Variants in NKAIN2 observed in about 807,000 individuals in gnomAD.
NKAIN2 encodes the protein sodium/potassium-transporting ATPase subunit beta-1-interacting protein 2.
Under a neutral mutation model 32.6 loss-of-function variants are expected in NKAIN2, and 14 were observed. The ratio of observed to expected loss-of-function variants is 0.43; its 90% CI spans 0.28 to 0.67. NKAIN2 has a LOEUF of 0.67. Ranked by LOEUF, NKAIN2 falls within the 30% of genes least tolerant of loss-of-function variation. The probability of loss-of-function intolerance (pLI) is 0.17; values close to 1 mark genes in which losing one functional copy is unlikely to be tolerated. For missense variants in NKAIN2, 198 were observed against 258.3 expected, an observed-to-expected ratio of 0.77 and a Z score of 1.60; for synonymous variants, 80 against 87.2, an observed-to-expected ratio of 0.92 and a Z score of 0.46.
intron 5 of NKAIN2, among the ~76,000 whole-genome samples, chr6:124,817,469 T>C (rs1414082640): frequency 6.6e-6 from 1 of 152,148 alleles, no homozygotes; most frequent in East Asian, 1.9e-4. Flanking sequence ...GATCTCTCCA[T>C]GCGGGCTAGC....
At chr6:124,776,528 T>C (rs1299020555) in intron 4 of NKAIN2, among the ~76,000 whole-genome samples, 2 of 152,124 alleles carry the variant, frequency 1.3e-5, no homozygotes, top group East Asian at 1.9e-4. Context: ...TAATTCCAAA[T>C]AGCATGTGAT....
chr6:124,630,388 A>AG (rs1289010621), intron 3 of NKAIN2, among the ~76,000 whole-genome samples: 1 of 152,156 alleles, frequency 6.6e-6, no homozygotes, highest in African/African-American at 2.4e-5. Context: ...ATCGTATTAA[A>AG]GGTAAGGATT....
intron 3 of NKAIN2, among the ~76,000 whole-genome samples, chr6:124,603,770 G>A (rs1000960121): frequency 5.3e-5 from 8 of 151,854 alleles, no homozygotes; most frequent in East Asian, 1.9e-4. Flanking sequence ...AGACTGTCCC[G>A]GGAAAACCCA....
chr6:124,110,274 A>C (rs1266129954), intron 1 of NKAIN2, among the ~76,000 whole-genome samples: 1 of 152,062 alleles, frequency 6.6e-6, no homozygotes, highest in African/African-American at 2.4e-5. Context: ...GAAAGGACAA[A>C]AACCCTCTGA....
At chr6:123,811,072 G>C (rs556818503) in intron 1 of NKAIN2, among the ~76,000 whole-genome samples, 7 of 152,252 alleles carry the variant, frequency 4.6e-5, no homozygotes, top group African/African-American at 1.7e-4. Context: ...CCTAGAATAT[G>C]TGTCTTCACC....
chr6:124,700,166 G>C (rs1159267656), intron 4 of NKAIN2, among the ~76,000 whole-genome samples: 2 of 152,094 alleles, frequency 1.3e-5, no homozygotes, highest in Non-Finnish European at 2.9e-5. Flanking sequence ...GCTTAAGTGA[G>C]TGACTCTAAT....
chr6:124,565,116 T>C (rs1780859570), intron 3 of NKAIN2, among the ~76,000 whole-genome samples: 1 of 152,168 alleles, frequency 6.6e-6, no homozygotes, highest in South Asian at 2.1e-4. Context: ...AGGGGTGTTG[T>C]TGAACTCAGG....
intron 3 of NKAIN2, among the ~76,000 whole-genome samples, chr6:124,423,550 T>G (rs1774849071): frequency 6.6e-6 from 1 of 152,238 alleles, no homozygotes; most frequent in African/African-American, 2.4e-5. Flanking sequence ...TGTTGTGGTC[T>G]GAATGTGGAA....
intron 4 of NKAIN2, among the ~76,000 whole-genome samples, chr6:124,735,049 T>C (rs1469648446): frequency 6.6e-6 from 1 of 151,962 alleles, no homozygotes; most frequent in Admixed American, 6.6e-5. Flanking sequence ...TCACTGTTTT[T>C]TGATTTGTGA....
chr6:124,147,511 A>G (rs578081536), intron 1 of NKAIN2, among the ~76,000 whole-genome samples: 2 of 152,274 alleles, frequency 1.3e-5, no homozygotes, highest in South Asian at 2.1e-4. Flanking sequence ...AAATGCTCAG[A>G]TGAAAGGTTC....
chr6:124,700,395 G>C (rs1319126280), intron 4 of NKAIN2, among the ~76,000 whole-genome samples: 1 of 152,102 alleles, frequency 6.6e-6, no homozygotes, highest in African/African-American at 2.4e-5. Context: ...AGTTACATCA[G>C]CAACTTTTTG....
chr6:124,533,470 T>TAAAAA (rs1779601196), intron 3 of NKAIN2, among the ~76,000 whole-genome samples: 1 of 1,556 alleles, frequency 6.4e-4, no homozygotes. Context: ...AGACTCTGTC[T>TAAAAA]CAAAAAAAAA....
chr6:123,984,944 C>A (rs1779067864), intron 1 of NKAIN2, among the ~76,000 whole-genome samples: 1 of 152,036 alleles, frequency 6.6e-6, no homozygotes, highest in Admixed American at 6.6e-5. Context: ...GAAGCATACA[C>A]TGGAAAATAA....
chr6:124,168,974 A>T (rs1788708787), intron 1 of NKAIN2, among the ~76,000 whole-genome samples: 2 of 152,114 alleles, frequency 1.3e-5, no homozygotes, highest in African/African-American at 4.8e-5. Flanking sequence ...TATTTTAGTA[A>T]AGCTAGTTAA....
chr6:124,355,372 G>T (rs1354889519), intron 3 of NKAIN2, 25 bp downstream of exon 3: 8 of 1,318,748 alleles, frequency 6.1e-6, no homozygotes, highest in Non-Finnish European at 7.7e-6. Context: ...ATTTGCCTGA[G>T]TCATCAGTAG....
intron 1 of NKAIN2, among the ~76,000 whole-genome samples, chr6:124,147,698 A>C (rs1428169682): frequency 6.6e-6 from 1 of 152,164 alleles, no homozygotes; most frequent in African/African-American, 2.4e-5. Flanking sequence ...TAACTCTGAT[A>C]GTTTTGAAAC....
chr6:124,515,789 CACGCCA>C (rs879274365), intron 3 of NKAIN2, among the ~76,000 whole-genome samples: 138,931 of 141,308 alleles, frequency 0.98, 68,342 homozygotes, highest in South Asian at 1. Context: ...CTCCCGGGTT[CACGCCA>C]TTCTCCTGCC....
chr6:124,736,706 G>A (rs996565907), intron 4 of NKAIN2, among the ~76,000 whole-genome samples: 25 of 151,912 alleles, frequency 1.6e-4, no homozygotes, highest in African/African-American at 6.0e-4. Context: ...ACAGTTTACT[G>A]AATATTTTAA....
At chr6:124,103,062 G>T (rs996513537) in intron 1 of NKAIN2, among the ~76,000 whole-genome samples, 2 of 152,042 alleles carry the variant, frequency 1.3e-5, no homozygotes, top group Non-Finnish European at 2.9e-5. Context: ...TTCCATATAA[G>T]TTTTTTTGTG....
Sources: allele counts gnomAD v4.1 joint callset (sites outside exome capture counted in the v4.1 genomes callset), GRCh38; gene constraint gnomAD v4.1.1; transcripts MANE v1.5; gene names NCBI Gene and HGNC (gene_info 2026-07-23, HGNC 2026-07-21).